The following NAV3 variants were observed in gnomAD, a reference collection of about 807,000 sequenced individuals.
NAV3 encodes pore membrane and/or filament interacting like protein 1.
In NAV3, 87 loss-of-function variants were observed where a neutral mutation model predicts 244.7. The ratio of observed to expected loss-of-function variants is 0.36; its 90% CI spans 0.30 to 0.42. The LOEUF is 0.42. Among genes scored for constraint, NAV3 ranks in the 20% least tolerant of loss-of-function variants. The probability of loss-of-function intolerance (pLI) is 1.00; values close to 1 mark genes in which losing one functional copy is unlikely to be tolerated. For missense variants in NAV3, 2,663 were observed against 2,893.3 expected, an observed-to-expected ratio of 0.92 and a Z score of 1.83; for synonymous variants, 1,126 against 1,042.2, an observed-to-expected ratio of 1.08 and a Z score of -1.55.
chr12:78,188,483 A>G, intron 32 of NAV3, 126 bp from the exon 33 acceptor site: 1 of 1,165,642 alleles, frequency 8.6e-7, no homozygotes, highest in Non-Finnish European at 1.2e-6. Context: ...ATTTGATATT[A>G]ACAGTTCTTA....
chr12:77,811,195 C>T (rs1872269251), intron 2 of NAV3, among the ~76,000 whole-genome samples: 1 of 152,160 alleles, frequency 6.6e-6, no homozygotes, highest in Non-Finnish European at 1.5e-5. Context: ...TCATCATCTA[C>T]TCCTATTGTA....
intron 2 of NAV3, among the ~76,000 whole-genome samples, chr12:77,612,124 T>C (rs17793139): frequency 0.025 from 3,788 of 152,086 alleles, 63 homozygotes; most frequent in Middle Eastern, 0.085. Context: ...AATCCTAGAG[T>C]AGAAAGTGTG....
chr12:77,961,169 T>G (rs1158729194), intron 3 of NAV3, among the ~76,000 whole-genome samples: 1 of 145,766 alleles, frequency 6.9e-6, no homozygotes, highest in Non-Finnish European at 1.5e-5. Context: ...CTATATTACA[T>G]GCATAAGACA....
At chr12:78,192,382 T>A (rs1959020237) in intron 34 of NAV3, among the ~76,000 whole-genome samples, 1 of 151,384 alleles carries the variant, frequency 6.6e-6, no homozygotes, top group Non-Finnish European at 1.5e-5. Flanking sequence ...TTTATTTTTT[T>A]ATTTTTTATT....
chr12:77,823,276 G>A (rs1392527882), intron 2 of NAV3, among the ~76,000 whole-genome samples: 1 of 152,110 alleles, frequency 6.6e-6, no homozygotes, highest in Non-Finnish European at 1.5e-5. Context: ...GAGAGAGAAA[G>A]ATAAAATGAG....
intron 1 of NAV3, among the ~76,000 whole-genome samples, chr12:77,849,466 G>T (rs1311075229): frequency 6.6e-6 from 1 of 152,096 alleles, no homozygotes; most frequent in African/African-American, 2.4e-5. Flanking sequence ...GTGCCAACAT[G>T]ACACCACACA....
At chr12:77,990,269 G>A (rs1018242822) in intron 5 of NAV3, among the ~76,000 whole-genome samples, 2 of 152,144 alleles carry the variant, frequency 1.3e-5, no homozygotes, top group African/African-American at 4.8e-5. Flanking sequence ...TTTATATAGT[G>A]GGGAAGGCAT....
At chr12:77,929,198 A>G (rs1888528373) in intron 1 of NAV3, among the ~76,000 whole-genome samples, 1 of 152,218 alleles carries the variant, frequency 6.6e-6, no homozygotes, top group African/African-American at 2.4e-5. Context: ...CAGGATTTTA[A>G]TATATTAATT....
At chr12:77,600,788 C>T (rs1870393349) in intron 2 of NAV3, among the ~76,000 whole-genome samples, 1 of 151,892 alleles carries the variant, frequency 6.6e-6, no homozygotes, top group Non-Finnish European at 1.5e-5. Context: ...GTGAAGGGTC[C>T]AACTCAAGGC....
chr12:77,851,532 A>C (rs1419442851), intron 1 of NAV3, among the ~76,000 whole-genome samples: 3 of 81,890 alleles, frequency 3.7e-5, no homozygotes, highest in African/African-American at 9.2e-5. Context: ...GAACTTAAAA[A>C]TATTTTCAAT....
chr12:78,056,855 T>A (rs1404828945), intron 11 of NAV3, among the ~76,000 whole-genome samples: 1 of 152,222 alleles, frequency 6.6e-6, no homozygotes, highest in East Asian at 1.9e-4. Flanking sequence ...TAGTAATGAA[T>A]GAAGATGTTT....
intron 9 of NAV3, chr12:78,037,313 A>T (rs1206090591): frequency 1.4e-6 from 1 of 703,034 alleles, no homozygotes; most frequent in Admixed American, 2.0e-5. Context: ...GGGAAGGGAC[A>T]GCTCATCTGG....
At chr12:77,878,236 TG>T (rs1882115489) in intron 1 of NAV3, among the ~76,000 whole-genome samples, 1 of 152,164 alleles carries the variant, frequency 6.6e-6, no homozygotes, top group Admixed American at 6.5e-5. Flanking sequence ...TGTTTTGTTT[TG>T]TTTTTTTGAG....
intron 22 of NAV3, among the ~76,000 whole-genome samples, chr12:78,154,710 A>G (rs1428985125): frequency 6.6e-6 from 1 of 151,904 alleles, no homozygotes; most frequent in Non-Finnish European, 1.5e-5. Flanking sequence ...AAATTATGCA[A>G]CTGCTAAAGG....
chr12:77,602,672 T>A (rs185446369), intron 2 of NAV3, among the ~76,000 whole-genome samples: 1 of 151,874 alleles, frequency 6.6e-6, no homozygotes, highest in East Asian at 1.9e-4. Flanking sequence ...AGGATTCTCC[T>A]TCTAAGTTTT....
chr12:77,981,816 T>G (rs1474990179), intron 5 of NAV3, among the ~76,000 whole-genome samples: 1 of 152,224 alleles, frequency 6.6e-6, no homozygotes, highest in South Asian at 2.1e-4. Flanking sequence ...ATGGTGCTTT[T>G]AGAAGAAACA....
At chr12:78,162,088 T>A (rs1957566921) in intron 23 of NAV3, among the ~76,000 whole-genome samples, 1 of 152,160 alleles carries the variant, frequency 6.6e-6, no homozygotes, top group Non-Finnish European at 1.5e-5. Context: ...GCCAAGGTTT[T>A]TAAATTGGGG....
intron 2 of NAV3, among the ~76,000 whole-genome samples, chr12:77,698,895 T>G (rs1875434168): frequency 6.6e-6 from 1 of 152,136 alleles, no homozygotes; most frequent in African/African-American, 2.4e-5. Flanking sequence ...GGTTTGGTTT[T>G]TTATTGTTTA....
At chr12:77,613,355 A>T (rs905011198) in intron 2 of NAV3, among the ~76,000 whole-genome samples, 16 of 152,166 alleles carry the variant, frequency 1.1e-4, no homozygotes, top group African/African-American at 3.6e-4. Context: ...TCAGTCGAAC[A>T]CAGTGGTGCA....
Sources: allele counts gnomAD v4.1 joint callset (sites outside exome capture counted in the v4.1 genomes callset), GRCh38; gene constraint gnomAD v4.1.1; transcripts MANE v1.5; gene names NCBI Gene and HGNC (gene_info 2026-07-23, HGNC 2026-07-21).